LATS2: variants seen among roughly 807,000 people sequenced by gnomAD.
LATS2 encodes large tumor suppressor kinase 2.
Under a neutral mutation model 76.0 loss-of-function variants are expected in LATS2, and 24 were observed. The observed-to-expected ratio is 0.32, with a 90% CI of 0.23 to 0.44. The LOEUF (loss-of-function observed/expected upper bound fraction) is 0.44. LATS2 is among the 20% of genes least tolerant of loss of function. LATS2 has a pLI of 1.00. For missense variants in LATS2, 1,286 were observed against 1,481.2 expected (o/e 0.87, Z 2.16); for synonymous variants, 692 against 635.4 (o/e 1.09, Z -1.34).
rs751858648 is a variant in LATS2 at position 20,988,643 on chromosome 13, G to A, written c.1137C>T (p.Asp379=). ...QWPAATLARR[D]SLQKPGLEAP... is the part of the protein sequence containing the mutation. ...CCTCCAGGCCCGGCTTCTGCAGGGA[G>A]TCCCGGCGGGCCAGGGTGGCAGCCG... is the stretch of plus-strand genomic sequence containing the variant. The change falls in exon 4 of 8, where the codon GAC becomes GAT. Residue 379 remains aspartate (D), a synonymous_variant. Coordinates refer to ENST00000382592, the MANE Select transcript of LATS2 (RefSeq NM_014572.3). 17 of 1,583,496 alleles carry A rather than the reference G, an allele frequency of 1.1e-5. No individual in the cohort carries two copies. The African/African-American group carries it at 2.0e-4, about 19-fold the overall frequency.
chr13:21,002,968 G>A (rs1467729859), intron 2 of LATS2, among the ~76,000 whole-genome samples: 1 of 152,128 alleles, frequency 6.6e-6, no homozygotes, highest in African/African-American at 2.4e-5. Context: ...TTCCCAAAGT[G>A]TTGGGATTAT....
At chr13:21,023,922 G>A (rs984565015) in intron 2 of LATS2, among the ~76,000 whole-genome samples, 1 of 151,462 alleles carries the variant, frequency 6.6e-6, no homozygotes, top group African/African-American at 2.4e-5. Context: ...GCAGGGAGAC[G>A]AGATCGCACC....
At chr13:21,045,539 T>A (rs1259648576) in intron 2 of LATS2, 146 bp downstream of exon 2, 1 of 609,844 alleles carries the variant, frequency 1.6e-6, no homozygotes, top group Non-Finnish European at 2.8e-6. Flanking sequence ...CAATTATGTG[T>A]TAAAAGGGCC....
intron 7 of LATS2, among the ~76,000 whole-genome samples, chr13:20,975,856 G>GT (rs1454057319): frequency 6.6e-6 from 1 of 152,086 alleles, no homozygotes; most frequent in Admixed American, 6.5e-5. Flanking sequence ...GCTGATTTTT[G>GT]TATTTTTAGT....
At chr13:21,002,128 T>C (rs142900440) in intron 2 of LATS2, among the ~76,000 whole-genome samples, 1,528 of 151,824 alleles carry the variant, frequency 0.01, 19 homozygotes, top group African/African-American at 0.034. Context: ...TTAGCTAAGA[T>C]GGTCTCGATC....
chr13:21,039,940 G>A (rs748622407), intron 2 of LATS2, among the ~76,000 whole-genome samples: 5 of 152,166 alleles, frequency 3.3e-5, no homozygotes, highest in Non-Finnish European at 5.9e-5. Context: ...GGGCGTGGTG[G>A]CGCATGCCTG....
intron 7 of LATS2, among the ~76,000 whole-genome samples, chr13:20,975,674 C>T (rs967110389): frequency 2.0e-5 from 3 of 152,152 alleles, no homozygotes; most frequent in African/African-American, 7.2e-5. Context: ...TGATGGTCTA[C>T]AAGTTCTTTC....
intron 1 of LATS2, among the ~76,000 whole-genome samples, chr13:21,048,211 C>T (rs934432242): frequency 2.6e-5 from 4 of 152,134 alleles, no homozygotes; most frequent in African/African-American, 4.8e-5. Context: ...CTTCACATTC[C>T]GACAAAAACG....
At chr13:21,007,588 G>GTATA (rs1404922004) in intron 2 of LATS2, among the ~76,000 whole-genome samples, 1 of 3,826 alleles carries the variant, frequency 2.6e-4, no homozygotes, top group African/African-American at 1.7e-3. Flanking sequence ...TATATATATA[G>GTATA]TATATATATA....
Position 20,987,678 on chromosome 13 carries a change from G to C in LATS2, c.1899+203C>G, listed in dbSNP as rs561468864. On this transcript the variant is annotated intron_variant, in intron 4 of 7. Coordinates refer to ENST00000382592, the MANE Select transcript of LATS2 (RefSeq NM_014572.3). ...ATGCACAGCTATCTCTGATTCTTCA[G>C]AAGAGTCAAGGGGAAAGGCGAAAGG... Among the ~76,000 whole-genome samples the C allele has an allele frequency of 7.9e-5, 12 of 152,300 alleles. No individual in the cohort carries two copies. The South Asian group carries it at 1.7e-3, about 21-fold the overall frequency.
In LATS2 at chr13:21,019,474, A is replaced by T. The variant is rs865977201; in HGVS notation, c.342+26211T>A. ...CCCAAGTAGCTGGAACTACAGGTGC[A>T]CGCCACCACGCCCAGCTAATTTTTT... is the stretch of plus-strand genomic sequence containing the variant. On this transcript the variant is annotated intron_variant, in intron 2 of 7. Coordinates refer to ENST00000382592, the MANE Select transcript of LATS2 (RefSeq NM_014572.3). Among the ~76,000 whole-genome samples the T allele has an allele frequency of 1.5e-3, 218 of 144,956 alleles. 1 individual carries two copies. The highest frequency in any genetic ancestry group is 4.9e-3 in the African/African-American group (194 of 39,424).
At chr13:21,025,248 C>T (rs1029519085) in intron 2 of LATS2, among the ~76,000 whole-genome samples, 5 of 150,456 alleles carry the variant, frequency 3.3e-5, no homozygotes, top group African/African-American at 2.4e-5. Context: ...AAAAATTAGA[C>T]GGGTATGGTG....
chr13:21,008,548 A>G (rs1871448137), intron 2 of LATS2, among the ~76,000 whole-genome samples: 1 of 152,216 alleles, frequency 6.6e-6, no homozygotes, highest in Non-Finnish European at 1.5e-5. Flanking sequence ...CCAAGTTCAT[A>G]AAGGCAGTGG....
intron 2 of LATS2, chr13:21,018,071 T>C (rs948662250): frequency 4.6e-5 from 7 of 152,212 alleles, no homozygotes; most frequent in African/African-American, 9.7e-5. Context: ...TCAATGTCAC[T>C]CAGCTTCAGT....
rs372913919 is a variant in LATS2, at chr13:20,979,791, G to A, written c.2672C>T (p.Thr891Ile). The A allele has an allele frequency of 4.4e-6, 7 of 1,598,114 alleles. No homozygotes were observed. The highest frequency in any genetic ancestry group is 6.0e-6 in the Non-Finnish European group (7 of 1,166,330). Residue 891 changes from threonine (T) to isoleucine (I), a missense_variant, in exon 7 of 8, where the codon ACT becomes ATT. By Grantham distance (89) the Thr-to-Ile change is moderately conservative. Transcript: ENST00000382592. ...APEVLLRKGY[T>I]QLCDWWSVGV... ...AACACTCCACCAGTCACAGAGTTGA[G>A]TGTACCCTGCAAGACAAAGTTCACT... is the stretch of plus-strand genomic sequence containing the variant.
intron 7 of LATS2, among the ~76,000 whole-genome samples, chr13:20,976,244 G>A (rs958025539): frequency 6.6e-6 from 1 of 152,214 alleles, no homozygotes; most frequent in Non-Finnish European, 1.5e-5. Context: ...ACCAGCTGGG[G>A]TGATGGGACA....
At chr13:21,012,226 A>G (rs1871619865) in intron 2 of LATS2, among the ~76,000 whole-genome samples, 2 of 152,208 alleles carry the variant, frequency 1.3e-5, no homozygotes, top group South Asian at 4.1e-4. Flanking sequence ...GCATATCTAT[A>G]TAGGACACTT....
intron 4 of LATS2, among the ~76,000 whole-genome samples, chr13:20,987,149 C>T (rs1870185703): frequency 6.6e-6 from 1 of 152,080 alleles, no homozygotes; most frequent in Non-Finnish European, 1.5e-5. Flanking sequence ...GAGCCAAGAT[C>T]GCGCCATTGC....
chr13:21,004,824 T>A (rs929612994), intron 2 of LATS2, among the ~76,000 whole-genome samples: 1 of 152,194 alleles, frequency 6.6e-6, no homozygotes, highest in African/African-American at 2.4e-5. Flanking sequence ...GACATTGCTG[T>A]TTTTAAGGAC....
Sources: allele counts gnomAD v4.1 joint callset (sites outside exome capture counted in the v4.1 genomes callset), GRCh38; gene constraint gnomAD v4.1.1; transcripts MANE v1.5; gene names NCBI Gene and HGNC (gene_info 2026-07-23, HGNC 2026-07-21).